PI4K2A: variants seen among roughly 807,000 people sequenced by gnomAD.
PI4K2A encodes the protein phosphatidylinositol 4-kinase type 2 alpha, also known as phosphatidylinositol 4-kinase type 2-alpha.
PI4K2A carries 20 observed loss-of-function variants against 55.0 expected under a neutral mutation model. The observed-to-expected ratio is 0.36, with a 90% CI of 0.26 to 0.53. The LOEUF is 0.53. Ranked by LOEUF, PI4K2A falls within the 20% of genes least tolerant of loss-of-function variation. The pLI is 0.91. For missense variants in PI4K2A, 463 were observed against 637.1 expected, an observed-to-expected ratio of 0.73 and a Z score of 2.94; for synonymous variants, 235 against 258.5, an observed-to-expected ratio of 0.91 and a Z score of 0.87.
At position 97,665,948 on chromosome 10, in the gene PI4K2A, C is replaced by CT. The variant is rs200205827; in HGVS notation, c.1085-481dup. ...TTTTAGTGTATATTTCCTGAAATAT[C>CT]TTTTTTTTTCCTGTTATCTGAGGAC... is the stretch of plus-strand genomic sequence containing the variant. On this transcript the variant is annotated intron_variant, in intron 6 of 8. Transcript: ENST00000370631. 9.3e-3 allele frequency among the ~76,000 whole-genome samples: 1,408 copies of CT among 151,636 alleles called. 65 individuals carry two copies. The East Asian group carries it at 0.13, about 14-fold the overall frequency.
Position 97,667,054 on chromosome 10 carries a change from T to G in PI4K2A, c.1219-7T>G. 6.2e-7 allele frequency: 1 copy of G among 1,612,570 alleles called. No homozygotes were observed. Among genetic ancestry groups the G allele is most frequent in the Non-Finnish European group, 8.5e-7 (1 of 1,178,754 alleles). On this transcript the variant is annotated splice_region_variant and splice_polypyrimidine_tract_variant and intron_variant, in intron 7 of 8. Coordinates refer to ENST00000370631, the Ensembl canonical transcript of PI4K2A. ...AGGTTCCATCTCCTTCTGGTCTTCT[T>G]TTGCAGAAAGATCCTGGTTTCGACA...
At chr10:97,665,011 G>GAGA in intron 6 of PI4K2A, 27 bp downstream of exon 6, 2 of 1,381,544 alleles carry the variant, frequency 1.4e-6, no homozygotes, top group Non-Finnish European at 2.1e-6. Context: ...TGGTGGTCTG[G>GAGA]CTCTTCCCTT....
chr10:97,649,318 G>A (rs2041519172), intron 1 of PI4K2A, among the ~76,000 whole-genome samples: 1 of 152,192 alleles, frequency 6.6e-6, no homozygotes, highest in Admixed American at 6.5e-5. Flanking sequence ...TCAGAGGGCT[G>A]ACTGGCCTGT....
At chr10:97,673,979 G>T in exon 9 of PI4K2A, 1 of 477,222 alleles carries the variant, frequency 2.1e-6, no homozygotes, top group Non-Finnish European at 3.7e-6. Context: ...TAGTCCAGAT[G>T]CCTGGGAAGG....
intron 8 of PI4K2A, among the ~76,000 whole-genome samples, chr10:97,669,917 T>C (rs1300141536): frequency 2.0e-5 from 3 of 152,150 alleles, no homozygotes; most frequent in African/African-American, 7.2e-5. Flanking sequence ...TTTCTTTTCT[T>C]TTTTTTAAAG....
chr10:97,671,997 A>G (rs970841502), intron 8 of PI4K2A, among the ~76,000 whole-genome samples: 18 of 151,972 alleles, frequency 1.2e-4, no homozygotes, highest in African/African-American at 3.9e-4. Flanking sequence ...TAGGAAAATC[A>G]TAAAATAGGG....
At chr10:97,663,070 C>A in intron 5 of PI4K2A, 102 bp downstream of exon 5, 1 of 800,024 alleles carries the variant, frequency 1.2e-6, no homozygotes, top group Non-Finnish European at 2.2e-6. Context: ...TCAGAAGAAT[C>A]GGGGGGCGCA....
rs981595816 is a variant in PI4K2A, at chr10:97,650,936, T to C, written c.436-5T>C. 6.2e-7 allele frequency: 1 copy of C among 1,608,856 alleles called. No individual in the cohort carries two copies. The highest frequency in any genetic ancestry group is 8.5e-7 in the Non-Finnish European group (1 of 1,175,364). ...TAACATCCTCTTTTTCTTTGGTCTC[T>C]GTAGAGGATCATTGCTGTCTTCAAA... On this transcript the variant is annotated splice_region_variant and splice_polypyrimidine_tract_variant and intron_variant, in intron 1 of 8. Coordinates refer to ENST00000370631, the Ensembl canonical transcript of PI4K2A.
At chr10:97,661,543 A>G (rs2041584393) in intron 4 of PI4K2A, among the ~76,000 whole-genome samples, 1 of 149,980 alleles carries the variant, frequency 6.7e-6, no homozygotes, top group Non-Finnish European at 1.5e-5. Context: ...TTTTTTGGAG[A>G]TGGGATCTCA....
At chr10:97,643,096 C>T (rs1386638599) in intron 1 of PI4K2A, among the ~76,000 whole-genome samples, 1 of 151,524 alleles carries the variant, frequency 6.6e-6, no homozygotes, top group African/African-American at 2.4e-5. Context: ...GCTCAAGGTC[C>T]TCCCACTCAG....
At chr10:97,651,085 G>T in exon 2 of PI4K2A, 1 of 1,613,970 alleles carries the variant, frequency 6.2e-7, no homozygotes, top group Non-Finnish European at 8.5e-7. Flanking sequence ...TCTCTCAGAA[G>T]CAGGGGCCAG....
chr10:97,663,021 G>A, intron 5 of PI4K2A, 53 bp downstream of exon 5: 1 of 1,189,126 alleles, frequency 8.4e-7, no homozygotes, highest in South Asian at 1.2e-5. Flanking sequence ...GCATAATATA[G>A]AAACACATAA....
chr10:97,642,806 T>TCTTC lies in PI4K2A; in HGVS notation c.435+1673_435+1676dup, dbSNP rs1183100302. ...GCCAGAGGCTTGCTTGCTTTCTCTT[T>TCTTC]CTTCCTTCCTTCCTTCCTTCCTTCC... On this transcript the variant is annotated intron_variant, in intron 1 of 8. Transcript: ENST00000370631. Among the ~76,000 whole-genome samples the TCTTC allele has an allele frequency of 2.8e-3, 290 of 105,372 alleles. 14 individuals are homozygous for TCTTC. The highest frequency in any genetic ancestry group is 0.018 in the East Asian group (63 of 3,518). The allele number at this position is 105,372 out of a possible 152,430, so 69.1% of individuals were successfully genotyped here.
chr10:97,655,083 A>G lies in PI4K2A; in HGVS notation c.637-1202A>G, dbSNP rs773585506. Among the ~76,000 whole-genome samples the G allele has an allele frequency of 6.6e-5, 10 of 152,274 alleles. No homozygotes were observed. The South Asian group carries it at 1.7e-3, about 25-fold the overall frequency. On this transcript the variant is annotated intron_variant, in intron 2 of 8. Coordinates refer to ENST00000370631, the Ensembl canonical transcript of PI4K2A. ...TAATTTCACAAAGTAAAAAAATTCA[A>G]AAGGGCCCGGGCACAGTGGCTCATG...
chr10:97,669,989 T>C (rs903488826), intron 8 of PI4K2A, among the ~76,000 whole-genome samples: 1 of 152,150 alleles, frequency 6.6e-6, no homozygotes, highest in Non-Finnish European at 1.5e-5. Flanking sequence ...CCACTGCAGC[T>C]TTGAACTCCT....
At chr10:97,655,536 A>T (rs2041549864) in intron 2 of PI4K2A, among the ~76,000 whole-genome samples, 1 of 151,914 alleles carries the variant, frequency 6.6e-6, no homozygotes, top group Admixed American at 6.6e-5. Flanking sequence ...ACAACCCTTA[A>T]ATCTAAGTGG....
chr10:97,670,269 A>C (rs535563898), intron 8 of PI4K2A, among the ~76,000 whole-genome samples: 1 of 152,338 alleles, frequency 6.6e-6, no homozygotes, highest in East Asian at 1.9e-4. Context: ...CAAATTTAAA[A>C]AATAATTTTT....
chr10:97,642,677 G>A (rs1269516898), intron 1 of PI4K2A, among the ~76,000 whole-genome samples: 1 of 151,720 alleles, frequency 6.6e-6, no homozygotes, highest in Non-Finnish European at 1.5e-5. Flanking sequence ...GCGTGCCACC[G>A]CGCCCGGCCT....
intron 1 of PI4K2A, among the ~76,000 whole-genome samples, chr10:97,645,081 A>G (rs1169163822): frequency 6.6e-6 from 1 of 152,142 alleles, no homozygotes; most frequent in Non-Finnish European, 1.5e-5. Flanking sequence ...CAACTGCAAA[A>G]GGGTTTTTTG....
Sources: allele counts gnomAD v4.1 joint callset (sites outside exome capture counted in the v4.1 genomes callset), GRCh38; gene constraint gnomAD v4.1.1; transcripts MANE v1.5; gene names NCBI Gene and HGNC (gene_info 2026-07-23, HGNC 2026-07-21).